LTBR: variants seen among roughly 807,000 people sequenced by gnomAD.
LTBR encodes the protein lymphotoxin beta receptor, also known as tumor necrosis factor receptor superfamily member 3.
Under a neutral mutation model 45.4 loss-of-function variants are expected in LTBR, and 15 were observed. That is an observed-to-expected ratio of 0.33 (90% CI 0.22 to 0.51). The LOEUF (loss-of-function observed/expected upper bound fraction) is 0.51. LTBR is among the 20% of genes least tolerant of loss of function. The pLI is 0.97. For missense variants in LTBR, 450 were observed against 565.5 expected, an observed-to-expected ratio of 0.80 and a Z score of 2.07; for synonymous variants, 228 against 231.0, an observed-to-expected ratio of 0.99 and a Z score of 0.12.
At chr12:6,375,715 G>A in intron 1 of LTBR, 1 of 1,431,316 alleles carries the variant, frequency 7.0e-7, no homozygotes, top group South Asian at 1.5e-5. Context: ...ACTCTGGGCA[G>A]GGGCTTTAGA....
At chr12:6,379,976 C>G (rs906816883), upstream of LTBR, among the ~76,000 whole-genome samples, 6 of 150,626 alleles carry the variant, frequency 4.0e-5, no homozygotes, top group Non-Finnish European at 8.9e-5. Context: ...AAGAAGTTCA[C>G]TACTAGAAGT....
At chr12:6,384,101 T>C, upstream of LTBR, 4 of 1,255,532 alleles carry the variant, frequency 3.2e-6, no homozygotes, top group East Asian at 3.2e-5. Flanking sequence ...TGGGCTGCGA[T>C]TGCGACAGGC....
upstream of LTBR, among the ~76,000 whole-genome samples, chr12:6,379,673 G>A (rs908134578): frequency 1.3e-5 from 2 of 152,202 alleles, no homozygotes; most frequent in African/African-American, 4.8e-5. Context: ...GCTCACGCCT[G>A]TAATCCCAGC....
At chr12:6,381,221 G>A (rs1948981600), upstream of LTBR, among the ~76,000 whole-genome samples, 1 of 152,174 alleles carries the variant, frequency 6.6e-6, no homozygotes, top group Non-Finnish European at 1.5e-5. Context: ...AAGATGGCAG[G>A]GTGATGTAGC....
intron 1 of LTBR, chr12:6,375,703 G>A (rs72645141): frequency 8.4e-5 from 121 of 1,437,294 alleles, no homozygotes; most frequent in African/African-American, 1.0e-4. Context: ...CTGAGAAGGC[G>A]GACTCTGGGC....
upstream of LTBR, among the ~76,000 whole-genome samples, chr12:6,379,948 C>CA (rs769215877): frequency 0.019 from 2,208 of 118,526 alleles, 14 homozygotes; most frequent in East Asian, 0.05. Flanking sequence ...AAAAAAAAAA[C>CA]AAAAAAAAAA....
Position 6,385,629 on chromosome 12 carries a change from G to T in LTBR, c.472+250G>T, listed in dbSNP as rs41354948. 5,186 of 538,604 alleles carry T rather than the reference G, an allele frequency of 9.6e-3. 204 individuals carry two copies. The highest frequency in any genetic ancestry group is 0.087 in the African/African-American group (4,570 of 52,692). 33.4% of individuals were successfully genotyped at this position (538,604 alleles called of 1,614,324 possible). A position where few individuals can be genotyped will look rare whatever the true frequency, so the allele number is the denominator to read the frequency against. ...TGGGCAAAATGGTAGGCAGTAGGCC[G>T]GGTGTGGTGGCCCACGCCTGTAATC... is the stretch of plus-strand genomic sequence containing the variant. On this transcript the variant is annotated intron_variant, in intron 4 of 9. Coordinates refer to ENST00000228918, the MANE Select transcript of LTBR (RefSeq NM_002342.3).
At chr12:6,375,939 G>C (rs1184429457) in intron 1 of LTBR, 2 of 1,091,532 alleles carry the variant, frequency 1.8e-6, no homozygotes, top group African/African-American at 3.3e-5. Flanking sequence ...TAGGGATGGA[G>C]GAGGGGCACT....
At chr12:6,381,149 G>C (rs1268868566), upstream of LTBR, among the ~76,000 whole-genome samples, 1 of 152,154 alleles carries the variant, frequency 6.6e-6, no homozygotes, top group East Asian at 1.9e-4. Context: ...GAGCTGAGAA[G>C]ACAATGGGAG....
intron 1 of LTBR, chr12:6,376,029 G>A: frequency 2.0e-6 from 2 of 996,256 alleles, no homozygotes; most frequent in Non-Finnish European, 2.4e-6. Context: ...TCTCCAGGAA[G>A]GAGAGCAAGG....
upstream of LTBR, among the ~76,000 whole-genome samples, chr12:6,380,556 T>C (rs1422131456): frequency 1.3e-5 from 2 of 152,054 alleles, no homozygotes; most frequent in Non-Finnish European, 2.9e-5. Context: ...TGTTGGCGCA[T>C]GCCTGTAGTC....
intron 1 of LTBR, chr12:6,377,143 C>A: frequency 2.4e-6 from 2 of 839,970 alleles, no homozygotes; most frequent in Non-Finnish European, 3.7e-6. Context: ...GTACTCCAGG[C>A]TCAGGGTCCA....
intron 1 of LTBR, chr12:6,375,834 G>A (rs759301674): frequency 3.7e-6 from 5 of 1,347,272 alleles, no homozygotes; most frequent in African/African-American, 1.5e-5. Context: ...AAGGAGAAGG[G>A]GCCAGCCAGG....
At chr12:6,389,985 G>A (rs41438947) in intron 8 of LTBR, 127 bp from the exon 9 acceptor site, 18 of 685,006 alleles carry the variant, frequency 2.6e-5, no homozygotes, top group Non-Finnish European at 4.1e-5. Flanking sequence ...GAGAGAAAGA[G>A]AGAGAGAGAG....
rs1466839977 is a variant in LTBR, at chr12:6,388,956, A to G, written c.801+131A>G. The G allele has an allele frequency of 8.7e-7, 1 of 1,152,498 alleles. No individual in the cohort carries two copies. The highest frequency in any genetic ancestry group is 2.4e-5 in the East Asian group (1 of 41,566). The allele number at this position is 1,152,498 out of a possible 1,614,324, so 71.4% of individuals were successfully genotyped here. ...TCATTCAACTGATGATTTACTGAACATGCCACGTACCAGGCACTGTCCTAG... is the reference window on the plus strand; with the variant it reads ...TCATTCAACTGATGATTTACTGAACGTGCCACGTACCAGGCACTGTCCTAG... On this transcript the variant is annotated intron_variant, in intron 8 of 9. Coordinates refer to ENST00000228918, the MANE Select transcript of LTBR (RefSeq NM_002342.3). The surrounding 1 kb of genome is among the most constrained non-coding windows in gnomAD (Gnocchi z 4.3).
In LTBR at chr12:6,390,903, G is replaced by A; in HGVS notation, c.1274G>A (p.Arg425Lys). 6.3e-7 allele frequency: 1 copy of A among 1,582,402 alleles called. No homozygotes were observed. Among genetic ancestry groups the A allele is most frequent in the Non-Finnish European group, 8.6e-7 (1 of 1,166,610 alleles). ...TEHCGATPSN[R>K]GPRNQFITHD ...CACTGTGGTGCCACACCCTCTAACA[G>A]GGGCCCAAGGAACCAATTTATCACC... Residue 425 changes from arginine to lysine, a missense_variant, in exon 10 of 10, where the codon AGG (arginine) becomes AAG (lysine). Around this residue, in one of 3 missense-constraint regions of LTBR, gnomAD observed 71 missense variants for 90.4 expected, o/e 0.79. Transcript: ENST00000228918.
At chr12:6,385,925 C>T in intron 4 of LTBR, 141 bp from the exon 5 acceptor site, 1 of 454,862 alleles carries the variant, frequency 2.2e-6, no homozygotes, top group Non-Finnish European at 3.8e-6. Flanking sequence ...AAAAAAAAGG[C>T]AGCAAAGCAG....
chr12:6,376,958 G>A (rs999482662), intron 1 of LTBR, among the ~76,000 whole-genome samples: 4 of 152,190 alleles, frequency 2.6e-5, no homozygotes, highest in South Asian at 2.1e-4. Context: ...TCTTTAAAAC[G>A]GACTTCTAAC....
rs756540523 is a variant in LTBR, at chr12:6,388,852, A to G, written c.801+27A>G. The stretch of plus-strand genomic sequence containing the variant: ...TAATGGCGGGGGCTGAGAAGGCAGC[A>G]AGAAGGGGAAGAGGTGATGAGGGTA... On this transcript the variant is annotated intron_variant, in intron 8 of 9. Transcript: ENST00000228918. The surrounding 1 kb of genome is among the most constrained non-coding windows in gnomAD (Gnocchi z 4.3). 1.9e-6 allele frequency: 3 copies of G among 1,613,856 alleles called. No homozygotes were observed. The highest frequency in any genetic ancestry group is 3.3e-5 in the Admixed American group (2 of 60,016).
Sources: gnomAD v4.1 joint callset for allele counts (sites outside exome capture counted in the v4.1 genomes callset) on GRCh38, gnomAD v4.1.1 for gene constraint, gnomAD v4.1.1 regional missense constraint, Gnocchi (gnomAD v3.1) non-coding constraint, MANE v1.5 for transcripts, NCBI Gene and HGNC (gene_info 2026-07-23, HGNC 2026-07-21) for gene names.